RB1: variants seen among roughly 807,000 people sequenced by gnomAD.
RB1 encodes the protein RB transcriptional corepressor 1.
A neutral mutation model predicts 135.4 loss-of-function variants in RB1; 18 were observed. The ratio of observed to expected loss-of-function variants is 0.13; its 90% confidence interval spans 0.09 to 0.20. The LOEUF (loss-of-function observed/expected upper bound fraction) is 0.20. Ranked by LOEUF, RB1 falls within the 10% of genes least tolerant of loss-of-function variation. RB1 has a pLI of 1.00. For synonymous variants in RB1, 365 were observed against 373.2 expected (o/e 0.98, Z 0.25); for missense variants, 868 against 1,110.0 (o/e 0.78, Z 3.10).
chr13:48,440,697 G>T lies in RB1; in HGVS notation c.1696-12296G>T, dbSNP rs80103859. 0.012 allele frequency among the ~76,000 whole-genome samples: 1,759 copies of T among 152,162 alleles called. 67 individuals are homozygous for T. In the East Asian group the frequency reaches 0.12, roughly 10 times the overall value. ...CTTAGTTAAATTTAAAATTGTAGTT[G>T]CACTCATAGATAAAGGGTTTTCTTT... On this transcript the variant is annotated intron_variant, in intron 17 of 26. Transcript: ENST00000267163.
intron 6 of RB1, among the ~76,000 whole-genome samples, chr13:48,352,847 C>A (rs1952559775): frequency 6.6e-6 from 1 of 152,142 alleles, no homozygotes; most frequent in Non-Finnish European, 1.5e-5. Flanking sequence ...CCCTTCATTT[C>A]TTTCTCTCAC....
intron 12 of RB1, among the ~76,000 whole-genome samples, chr13:48,376,584 C>T (rs919512319): frequency 3.3e-5 from 5 of 151,410 alleles, no homozygotes; most frequent in Non-Finnish European, 7.4e-5. Flanking sequence ...AAGCAACATA[C>T]ATCCCAATAT....
At chr13:48,475,380 G>T (rs745900858) in intron 24 of RB1, among the ~76,000 whole-genome samples, 35 of 152,118 alleles carry the variant, frequency 2.3e-4, no homozygotes, top group Non-Finnish European at 4.7e-4. Flanking sequence ...TCATCTCAAG[G>T]CTCCACTAGA....
At chr13:48,430,279 G>A (rs1251901374) in intron 17 of RB1, among the ~76,000 whole-genome samples, 1 of 152,076 alleles carries the variant, frequency 6.6e-6, no homozygotes, top group African/African-American at 2.4e-5. Flanking sequence ...GGATAATTCA[G>A]TAAATGCTCA....
Position 48,380,051 on chromosome 13 carries a change from A to G in RB1, c.1390-2A>G, listed in dbSNP as rs1555286568. ...TTTTTTTTTTTAAATTATCTGTTTC[A>G]GGAAGAAGAACGATTATCCATTCAA... On this transcript the variant is annotated splice_acceptor_variant, in intron 14 of 26. Transcript: ENST00000267163. LOFTEE classifies it high-confidence loss of function. 1.6e-6 allele frequency: 2 copies of G among 1,270,152 alleles called. No homozygotes were observed. The highest frequency in any genetic ancestry group is 2.1e-6 in the Non-Finnish European group (2 of 942,712). 78.7% of individuals were successfully genotyped at this position (1,270,152 alleles called of 1,614,324 possible). A position where few individuals can be genotyped will look rare whatever the true frequency, so the allele number is the denominator to read the frequency against.
intron 17 of RB1, among the ~76,000 whole-genome samples, chr13:48,440,243 A>G (rs1949223970): frequency 6.6e-6 from 1 of 152,226 alleles, no homozygotes; most frequent in Non-Finnish European, 1.5e-5. Flanking sequence ...ACAGTATAAA[A>G]TATAACCGAA....
intron 12 of RB1, among the ~76,000 whole-genome samples, chr13:48,374,902 G>A (rs987945004): frequency 6.6e-6 from 1 of 151,872 alleles, no homozygotes; most frequent in African/African-American, 2.4e-5. Context: ...GTCTATTGCT[G>A]CCATCTTTAT....
chr13:48,308,048 G>T (rs1952099533), intron 2 of RB1, among the ~76,000 whole-genome samples: 1 of 151,668 alleles, frequency 6.6e-6, no homozygotes, highest in African/African-American at 2.4e-5. Context: ...GACTGACTCA[G>T]AATTAGTTTT....
intron 14 of RB1, among the ~76,000 whole-genome samples, 171 bp downstream of exon 14, chr13:48,379,821 G>C (rs572985326): frequency 1.1e-4 from 17 of 151,626 alleles, no homozygotes; most frequent in African/African-American, 3.4e-4. Flanking sequence ...TTAGCTGGGC[G>C]TGGTGGTGTA....
At chr13:48,440,457 T>C (rs1251124771) in intron 17 of RB1, among the ~76,000 whole-genome samples, 1 of 152,212 alleles carries the variant, frequency 6.6e-6, no homozygotes, top group African/African-American at 2.4e-5. Context: ...AGCTAATGCA[T>C]ATTTTTTAAC....
chr13:48,331,730 A>G (rs1952338473), intron 2 of RB1, among the ~76,000 whole-genome samples: 1 of 152,220 alleles, frequency 6.6e-6, no homozygotes, highest in African/African-American at 2.4e-5. Flanking sequence ...TGATTCAGCA[A>G]TCCTACCTTT....
At chr13:48,444,367 A>C (rs1949266974) in intron 17 of RB1, among the ~76,000 whole-genome samples, 1 of 151,998 alleles carries the variant, frequency 6.6e-6, no homozygotes, top group Non-Finnish European at 1.5e-5. Context: ...AAATACAAAA[A>C]TTATCTGGGT....
Position 48,480,050 on chromosome 13 carries a change from C to G in RB1, c.2766C>G (p.Thr922=). 1 of 1,613,020 alleles carries G rather than the reference C, an allele frequency of 6.2e-7. No individual in the cohort carries two copies. The highest frequency in any genetic ancestry group is 8.5e-7 in the Non-Finnish European group (1 of 1,179,238). ...QKQKMNDSMD[T]SNKEEK ...AGAAAATGAATGATAGCATGGATACCTCAAACAAGGAAGAGAAATGAGGAT... is the reference window on the plus strand; with the variant it reads ...AGAAAATGAATGATAGCATGGATACGTCAAACAAGGAAGAGAAATGAGGAT... The change falls in exon 27 of 27, where the codon ACC becomes ACG. Residue 922 remains threonine, a synonymous_variant. Transcript: ENST00000267163.
At chr13:48,461,836 A>T (rs1002379625) in intron 20 of RB1, among the ~76,000 whole-genome samples, 8 of 151,562 alleles carry the variant, frequency 5.3e-5, no homozygotes, top group South Asian at 2.1e-4. Context: ...TTTTTTATTT[A>T]TTTTTTTTAT....
At chr13:48,402,702 G>T (rs567853961) in intron 17 of RB1, among the ~76,000 whole-genome samples, 13 of 152,036 alleles carry the variant, frequency 8.6e-5, no homozygotes, top group Non-Finnish European at 1.0e-4. Flanking sequence ...TGTGTCCTTT[G>T]CTTTATTTTT....
intron 17 of RB1, among the ~76,000 whole-genome samples, chr13:48,385,381 G>A (rs1444529053): frequency 2.0e-5 from 3 of 152,154 alleles, no homozygotes; most frequent in Admixed American, 6.6e-5. Context: ...AAAAGTAACT[G>A]ACTGAAATTA....
At chr13:48,409,850 A>T (rs1206010787) in intron 17 of RB1, among the ~76,000 whole-genome samples, 1 of 152,120 alleles carries the variant, frequency 6.6e-6, no homozygotes, top group Non-Finnish European at 1.5e-5. Flanking sequence ...AAGTGCTAGG[A>T]TTACAGGTGT....
intron 2 of RB1, among the ~76,000 whole-genome samples, chr13:48,337,241 G>A (rs1952393617): frequency 6.6e-6 from 1 of 152,086 alleles, no homozygotes; most frequent in African/African-American, 2.4e-5. Context: ...CCTTGTTAAC[G>A]TTCTGACTCA....
At chr13:48,401,604 A>G (rs558419591) in intron 17 of RB1, among the ~76,000 whole-genome samples, 186 of 152,298 alleles carry the variant, frequency 1.2e-3, no homozygotes, top group African/African-American at 4.3e-3. Context: ...GTCTGTTTCA[A>G]CATACACATT....
Sources: gnomAD v4.1 joint callset for allele counts (sites outside exome capture counted in the v4.1 genomes callset) on GRCh38, gnomAD v4.1.1 for gene constraint, MANE v1.5 for transcripts, NCBI Gene and HGNC (gene_info 2026-07-23, HGNC 2026-07-21) for gene names.